The following LDB1 variants were observed in gnomAD, a reference collection of about 807,000 sequenced individuals.
LDB1 encodes LIM domain binding 1, also known as LIM domain-binding protein 1.
Under a neutral mutation model 49.7 loss-of-function variants are expected in LDB1, and 6 were observed. The ratio of observed to expected loss-of-function variants is 0.12; its 90% CI spans 0.07 to 0.24. LDB1 has a LOEUF of 0.24. Ranked by LOEUF, LDB1 falls within the 10% of genes least tolerant of loss-of-function variation. The pLI, the probability that LDB1 is intolerant of heterozygous loss-of-function variation, is 1.00. For missense variants in LDB1, 341 were observed against 561.7 expected (o/e 0.61, Z 3.97); for synonymous variants, 233 against 202.0 (o/e 1.15, Z -1.30).
intron 1 of LDB1, among the ~76,000 whole-genome samples, chr10:102,119,214 AGTGTGCC>A (rs2068372917): frequency 6.6e-6 from 1 of 152,092 alleles, no homozygotes; most frequent in African/African-American, 2.4e-5. Context: ...GGAGACAGAC[AGTGTGCC>A]GTGAGGCCCT....
chr10:102,120,684 G>A (rs189048705), upstream of LDB1, among the ~76,000 whole-genome samples: 375 of 152,294 alleles, frequency 2.5e-3, no homozygotes, highest in Non-Finnish European at 4.3e-3. Context: ...AAAAGGAGAC[G>A]GAGGCAGAGA....
downstream of LDB1, among the ~76,000 whole-genome samples, chr10:102,104,501 G>A (rs1336423980): frequency 6.6e-6 from 1 of 152,142 alleles, no homozygotes; most frequent in Non-Finnish European, 1.5e-5. Flanking sequence ...GGGCATGAGG[G>A]TTTTGGAGGG....
chr10:102,109,858 C>T lies in LDB1; in HGVS notation c.648+63G>A. 1 of 1,587,446 alleles carries T rather than the reference C, an allele frequency of 6.3e-7. No homozygotes were observed. Among genetic ancestry groups the T allele is most frequent in the Non-Finnish European group, 8.6e-7 (1 of 1,166,696 alleles). On this transcript the variant is annotated intron_variant, in intron 7 of 10. Transcript: ENST00000673968. This position sits in a 1 kb window ranked among gnomAD's most constrained non-coding sequence, Gnocchi z 5.8. ...AAGTAGTCAGTCGGGAAATGGCAGA[C>T]CTTGTTCCACCCTTCCCCCGCCTGC... is the stretch of plus-strand genomic sequence containing the variant.
intron 10 of LDB1, 97 bp downstream of exon 10, chr10:102,108,932 C>CT: frequency 6.5e-7 from 1 of 1,527,198 alleles, no homozygotes; most frequent in Admixed American, 1.7e-5. Context: ...GAAAAACTGT[C>CT]TTTGCTTCTA....
At chr10:102,108,925 A>C in intron 10 of LDB1, 104 bp downstream of exon 10, 1 of 1,492,820 alleles carries the variant, frequency 6.7e-7, no homozygotes, top group South Asian at 1.1e-5. Flanking sequence ...TACATGAGAA[A>C]AACTGTCTTT....
In LDB1 at chr10:102,108,081, C is replaced by A; in HGVS notation, c.*12G>T. 1 of 1,606,008 alleles carries A rather than the reference C, an allele frequency of 6.2e-7. No individual in the cohort carries two copies. The highest frequency in any genetic ancestry group is 1.7e-4 in the Middle Eastern group (1 of 6,048). ...AGGTAGGCAGAGCACTGGGTGGCCACAGCAGGGCCTTTTACTGGGAGGCCT... is the reference window on the plus strand; with the variant it reads ...AGGTAGGCAGAGCACTGGGTGGCCAAAGCAGGGCCTTTTACTGGGAGGCCT... On this transcript the variant is annotated 3_prime_UTR_variant, in exon 11 of 11. Transcript: ENST00000673968.
downstream of LDB1, among the ~76,000 whole-genome samples, chr10:102,105,588 T>C (rs1270292961): frequency 6.6e-6 from 1 of 151,828 alleles, no homozygotes; most frequent in Non-Finnish European, 1.5e-5. Flanking sequence ...CTCCATATCT[T>C]CCCAGTCTGG....
chr10:102,109,579 A>T lies in LDB1; in HGVS notation c.732+21T>A. On this transcript the variant is annotated intron_variant, in intron 8 of 10. Transcript: ENST00000673968. The surrounding 1 kb of genome is among the most constrained non-coding windows in gnomAD (Gnocchi z 5.8). ...CGAGACTAAATGGACTGGGGCAGAAACTGGGTGGTCGGAGACTCACTCGGA... is the reference window on the plus strand; with the variant it reads ...CGAGACTAAATGGACTGGGGCAGAATCTGGGTGGTCGGAGACTCACTCGGA... 6.2e-7 allele frequency: 1 copy of T among 1,614,092 alleles called. No individual in the cohort carries two copies. Among genetic ancestry groups the T allele is most frequent in the Non-Finnish European group, 8.5e-7 (1 of 1,179,952 alleles).
downstream of LDB1, among the ~76,000 whole-genome samples, chr10:102,104,255 C>G (rs1022778661): frequency 1.3e-5 from 2 of 152,142 alleles, no homozygotes; most frequent in East Asian, 3.8e-4. Flanking sequence ...GGGTTCAGAC[C>G]TCTGTGGATC....
intron 1 of LDB1, 50 bp from the exon 2 acceptor site, chr10:102,111,586 T>A: frequency 8.9e-7 from 1 of 1,123,932 alleles, no homozygotes; most frequent in South Asian, 1.6e-5. Flanking sequence ...CTCACATCTG[T>A]AATCTAGCAC....
downstream of LDB1, among the ~76,000 whole-genome samples, chr10:102,102,396 G>A (rs1483027897): frequency 2.6e-5 from 4 of 152,190 alleles, no homozygotes; most frequent in African/African-American, 9.7e-5. Flanking sequence ...TGGGGGTGAT[G>A]GGGAGAAGAT....
chr10:102,111,698 A>G (rs1397735641), intron 1 of LDB1, among the ~76,000 whole-genome samples, 162 bp from the exon 2 acceptor site: 1 of 152,132 alleles, frequency 6.6e-6, no homozygotes, highest in Non-Finnish European at 1.5e-5. Context: ...AAATAATTGA[A>G]AAGTTGGCCG....
Position 102,109,145 on chromosome 10 carries a change from G to T in LDB1, c.889C>A (p.Arg297=), listed in dbSNP as rs1348736897. 6.2e-7 allele frequency: 1 copy of T among 1,614,004 alleles called. No homozygotes were observed. Among genetic ancestry groups the T allele is most frequent in the Non-Finnish European group, 8.5e-7 (1 of 1,179,964 alleles). ...EPTRQQPSKR[R]KRKMSGGSTM... ...CTGCCCCCTGACATCTTCCGTTTCC[G>T]CCGTTTGCTGGGCTGCTGACGTGTG... Residue 297 remains arginine, a synonymous_variant, in exon 10 of 11, where the codon CGG becomes AGG. Coordinates refer to ENST00000673968, the MANE Select transcript of LDB1 (RefSeq NM_001113407.3). This position sits in a 1 kb window ranked among gnomAD's most constrained non-coding sequence, Gnocchi z 5.8.
At position 102,111,272 on chromosome 10, in the gene LDB1, G is replaced by A; in HGVS notation, c.157C>T (p.Leu53=). 6.2e-7 allele frequency: 1 copy of A among 1,614,124 alleles called. No homozygotes were observed. The highest frequency in any genetic ancestry group is 8.5e-7 in the Non-Finnish European group (1 of 1,180,006). ...TCCACTTACCCAATCCCTGGCTCCA[G>A]GTATGTAGGCGGATACATGGGAGTT... ...GPTPMYPPTY[L]EPGIGRHTPY... is the part of the protein sequence containing the mutation. The change falls in exon 3 of 11, where the codon CTG becomes TTG. Residue 53 remains leucine, a synonymous_variant. Transcript: ENST00000673968.
intron 1 of LDB1, chr10:102,114,812 G>GGGGGCCCCCCCCCCCCC: frequency 1.7e-4 from 154 of 929,742 alleles, no homozygotes; most frequent in South Asian, 2.0e-4. Flanking sequence ...CCTCCGAGCA[G>GGGGGCCCCCCCCCCCCC]CCCGCCCGCC....
In LDB1 at chr10:102,118,041, G is replaced by A. The variant is rs569542170; in HGVS notation, c.25+2045C>T. ...ACAGGCAGGCAGGCAGGCGGCAGGC[G>A]GCCTGCCAGGGCGCCTCAGCCCTCA... On this transcript the variant is annotated intron_variant, in intron 1 of 10. Coordinates refer to ENST00000673968, the MANE Select transcript of LDB1 (RefSeq NM_001113407.3). 4.0e-3 allele frequency among the ~76,000 whole-genome samples: 602 copies of A among 151,944 alleles called. 5 individuals are homozygous for A. Among genetic ancestry groups the A allele is most frequent in the Non-Finnish European group, 5.8e-3 (397 of 67,898 alleles).
In LDB1 at chr10:102,110,548, C is replaced by G; in HGVS notation, c.506G>C (p.Gly169Ala). Residue 169 changes from glycine to alanine, a missense_variant, in exon 6 of 11, where the codon GGC (glycine) becomes GCC (alanine). Transcript: ENST00000673968. ...GCTGACCTGGGTGAACATGGGCTTG[C>G]CATGCTGGGTCACCATGCTGCCCTG... is the stretch of plus-strand genomic sequence containing the variant. Reference protein sequence around the residue: ...CDQGSMVTQHGKPMFTQVCVE... With the variant: ...CDQGSMVTQHAKPMFTQVCVE... 6.2e-7 allele frequency: 1 copy of G among 1,612,594 alleles called. No individual in the cohort carries two copies.
chr10:102,107,549 G>A lies in LDB1; in HGVS notation c.*544C>T, dbSNP rs1443875838. 1 of 154,034 alleles carries A rather than the reference G, an allele frequency of 6.5e-6. No homozygotes were observed. The highest frequency in any genetic ancestry group is 1.4e-5 in the Non-Finnish European group (1 of 69,268). The allele number at this position is 154,034 out of a possible 1,614,324, so 9.5% of individuals were successfully genotyped here. Reference sequence around the variant, plus strand: ...ACTTTTAATAGGGGGAAGAGGGGGGGACATGAGTGATTTTTTTTTTAACTT... The same window carrying A: ...ACTTTTAATAGGGGGAAGAGGGGGGAACATGAGTGATTTTTTTTTTAACTT... On this transcript the variant is annotated 3_prime_UTR_variant, in exon 11 of 11. Coordinates refer to ENST00000673968, the MANE Select transcript of LDB1 (RefSeq NM_001113407.3).
chr10:102,113,255 G>A (rs1456719839), intron 1 of LDB1, among the ~76,000 whole-genome samples: 2 of 152,186 alleles, frequency 1.3e-5, no homozygotes, highest in Non-Finnish European at 2.9e-5. Flanking sequence ...GTCAGAGCCT[G>A]TGTGTGCCTG....
Sources: gnomAD v4.1 joint callset for allele counts (sites outside exome capture counted in the v4.1 genomes callset) on GRCh38, gnomAD v4.1.1 for gene constraint, Gnocchi (gnomAD v3.1) non-coding constraint, MANE v1.5 for transcripts, NCBI Gene and HGNC (gene_info 2026-07-23, HGNC 2026-07-21) for gene names.